CORO2B: variants seen among roughly 807,000 people sequenced by gnomAD.
CORO2B encodes coronin 2B.
A neutral mutation model predicts 58.8 loss-of-function variants in CORO2B; 26 were observed. The ratio of observed to expected loss-of-function variants is 0.44; its 90% CI spans 0.32 to 0.61. The LOEUF (loss-of-function observed/expected upper bound fraction) is 0.61. Ranked by LOEUF, CORO2B falls within the 20% of genes least tolerant of loss-of-function variation. CORO2B has a pLI of 0.04. For missense variants in CORO2B, 460 were observed against 645.1 expected (o/e 0.71, Z 3.11); for synonymous variants, 242 against 253.8 (o/e 0.95, Z 0.44).
chr15:68,606,767 CCT>C (rs1900134955), intron 1 of CORO2B, among the ~76,000 whole-genome samples: 1 of 152,106 alleles, frequency 6.6e-6, no homozygotes, highest in African/African-American at 2.4e-5. Context: ...AGTTATGTTT[CCT>C]CTGATATCTT....
intron 3 of CORO2B, among the ~76,000 whole-genome samples, chr15:68,700,449 C>A (rs1892613416): frequency 6.6e-6 from 1 of 152,206 alleles, no homozygotes. Flanking sequence ...CCATATCCCC[C>A]AGCCCTGCAA....
intron 1 of CORO2B, among the ~76,000 whole-genome samples, chr15:68,624,068 G>C (rs1474279690): frequency 1.3e-5 from 2 of 152,140 alleles, no homozygotes; most frequent in Non-Finnish European, 2.9e-5. Flanking sequence ...GGGTCCTGCT[G>C]TCTTGAGCAG....
chr15:68,549,934 A>G, the CORO2B span, among the ~76,000 whole-genome samples: 5 of 151,970 alleles, frequency 3.3e-5, no homozygotes, highest in South Asian at 2.1e-4. Flanking sequence ...GAGCAAGACT[A>G]TGTCTCAAAA....
the CORO2B span, among the ~76,000 whole-genome samples, chr15:68,524,414 T>C: frequency 6.6e-6 from 1 of 152,284 alleles, no homozygotes; most frequent in Admixed American, 6.5e-5. Context: ...TATGAGGAAA[T>C]AACTAAATCA....
intron 11 of CORO2B, 68 bp from the exon 12 acceptor site, chr15:68,725,775 C>G: frequency 6.3e-7 from 1 of 1,591,234 alleles, no homozygotes; most frequent in Non-Finnish European, 8.5e-7. Context: ...GGAGACTCAC[C>G]TGGGAAATCC....
intron 1 of CORO2B, among the ~76,000 whole-genome samples, chr15:68,609,699 G>A (rs533392669): frequency 1.3e-5 from 2 of 152,310 alleles, no homozygotes; most frequent in Admixed American, 1.3e-4. Context: ...CTTCTTCCAG[G>A]ACATCCTGTG....
the CORO2B span, among the ~76,000 whole-genome samples, chr15:68,551,127 G>T: frequency 6.6e-6 from 1 of 152,084 alleles, no homozygotes; most frequent in East Asian, 1.9e-4. Flanking sequence ...GGAGGTCCTC[G>T]CTCAGCCTTT....
At chr15:68,549,424 T>A in the CORO2B span, among the ~76,000 whole-genome samples, 1 of 152,212 alleles carries the variant, frequency 6.6e-6, no homozygotes, top group Admixed American at 6.5e-5. Context: ...GATTGGCTGG[T>A]TGTTTTTATG....
chr15:68,616,510 C>T (rs1418964719), intron 1 of CORO2B: 1 of 984,670 alleles, frequency 1.0e-6, no homozygotes, highest in African/African-American at 1.7e-5. Flanking sequence ...GCTCCACTCC[C>T]TTAAAAGCAG....
intron 2 of CORO2B, among the ~76,000 whole-genome samples, chr15:68,674,418 T>G (rs1309067657): frequency 6.6e-6 from 1 of 152,144 alleles, no homozygotes; most frequent in Non-Finnish European, 1.5e-5. Flanking sequence ...ATGCCCCAGG[T>G]GATTGTGTGC....
chr15:68,526,291 C>A, the CORO2B span, among the ~76,000 whole-genome samples: 1 of 152,230 alleles, frequency 6.6e-6, no homozygotes. Context: ...CCTAGGGGTA[C>A]AATTGCTGGG....
At chr15:68,579,735 G>A (rs1456843265) in intron 1 of CORO2B, among the ~76,000 whole-genome samples, 1 of 152,208 alleles carries the variant, frequency 6.6e-6, no homozygotes, top group Non-Finnish European at 1.5e-5. Flanking sequence ...AGCCTCTGCC[G>A]CCCATGCCGG....
At chr15:68,602,104 C>G (rs1899999309) in intron 1 of CORO2B, among the ~76,000 whole-genome samples, 1 of 151,004 alleles carries the variant, frequency 6.6e-6, no homozygotes, top group Non-Finnish European at 1.5e-5. Context: ...GCCTCGAATA[C>G]TATCACATTG....
chr15:68,579,381 T>C, intron 1 of CORO2B, 104 bp downstream of exon 1: 4 of 1,101,264 alleles, frequency 3.6e-6, no homozygotes, highest in South Asian at 4.1e-5. Flanking sequence ...GGGGCGCCGG[T>C]GCCGGGAAGG....
At chr15:68,600,405 G>A (rs1899951717) in intron 1 of CORO2B, among the ~76,000 whole-genome samples, 1 of 152,106 alleles carries the variant, frequency 6.6e-6, no homozygotes, top group Non-Finnish European at 1.5e-5. Flanking sequence ...ACTTCCCTGA[G>A]TACACACTAT....
At chr15:68,689,528 T>C (rs1892304005) in intron 2 of CORO2B, among the ~76,000 whole-genome samples, 1 of 152,244 alleles carries the variant, frequency 6.6e-6, no homozygotes, top group Admixed American at 6.5e-5. Context: ...TATGCTATTA[T>C]ATTATCAATA....
At chr15:68,684,716 G>A (rs1046320867) in intron 2 of CORO2B, among the ~76,000 whole-genome samples, 4 of 152,224 alleles carry the variant, frequency 2.6e-5, no homozygotes, top group Non-Finnish European at 5.9e-5. Flanking sequence ...CCAGGGGCAA[G>A]TGTCCTTATT....
chr15:68,681,821 T>C (rs954503757), intron 2 of CORO2B, among the ~76,000 whole-genome samples: 1 of 152,170 alleles, frequency 6.6e-6, no homozygotes. Context: ...GGAGACATTG[T>C]TGAGGAGCAG....
At chr15:68,692,138 G>A (rs897976746) in intron 2 of CORO2B, among the ~76,000 whole-genome samples, 10 of 152,164 alleles carry the variant, frequency 6.6e-5, no homozygotes, top group South Asian at 2.1e-4. Context: ...TGGAAATCCC[G>A]GCTTTGCTTT....
Sources: gnomAD v4.1 joint callset for allele counts (sites outside exome capture counted in the v4.1 genomes callset) on GRCh38, gnomAD v4.1.1 for gene constraint, MANE v1.5 for transcripts, NCBI Gene and HGNC (gene_info 2026-07-23, HGNC 2026-07-21) for gene names.